Variants in RBPJL observed in about 807,000 individuals in gnomAD.
The protein encoded by RBPJL is recombination signal binding protein for immunoglobulin kappa J region like, also known as recombining binding protein suppressor of hairless-like protein.
A neutral mutation model predicts 57.6 loss-of-function variants in RBPJL; 50 were observed. The observed-to-expected ratio is 0.87, with a 90% CI of 0.69 to 1.10. The LOEUF (loss-of-function observed/expected upper bound fraction) is 1.10, where lower values mean the gene tolerates loss of function less well. Ranked by LOEUF, RBPJL falls within the 50% of genes least tolerant of loss-of-function variation. The pLI, the probability that RBPJL is intolerant of heterozygous loss-of-function variation, is 0.00. For missense variants in RBPJL, 684 were observed against 693.7 expected, an observed-to-expected ratio of 0.99 and a Z score of 0.16; for synonymous variants, 303 against 294.4, an observed-to-expected ratio of 1.03 and a Z score of -0.30.
intron 8 of RBPJL, 78 bp downstream of exon 8, chr20:45,314,222 A>G: frequency 7.2e-7 from 1 of 1,380,334 alleles, no homozygotes; most frequent in Non-Finnish European, 1.0e-6. Flanking sequence ...GCAGGGCTGG[A>G]GAGTGAGGCC....
In RBPJL at chr20:45,312,216, C is replaced by A. The variant is rs1475294412; in HGVS notation, c.445-5C>A. On this transcript the variant is annotated splice_polypyrimidine_tract_variant and splice_region_variant and intron_variant, in intron 5 of 11. Transcript: ENST00000343694. ...GAGATGGCCCTGTACCTGTGAGCCC[C>A]CTAGGAATTCGGCTGCGCCAAGACC... 1 of 1,613,978 alleles carries A rather than the reference C, an allele frequency of 6.2e-7. No homozygotes were observed. The highest frequency in any genetic ancestry group is 8.5e-7 in the Non-Finnish European group (1 of 1,180,018).
Position 45,309,554 on chromosome 20 carries a change from G to A in RBPJL, c.132-13G>A. On this transcript the variant is annotated splice_polypyrimidine_tract_variant and intron_variant, in intron 2 of 11. Transcript: ENST00000343694. ...CCTCCTGTGGCTGGTCGACCTGCCT[G>A]CCCTACTCCCAGGTCATCCCCAGAG... 1 of 1,600,972 alleles carries A rather than the reference G, an allele frequency of 6.2e-7. No individual in the cohort carries two copies. Among genetic ancestry groups the A allele is most frequent in the South Asian group, 1.1e-5 (1 of 88,842 alleles).
At chr20:45,314,358 C>T in intron 8 of RBPJL, 55 bp from the exon 9 acceptor site, 1 of 1,582,042 alleles carries the variant, frequency 6.3e-7, no homozygotes. Context: ...AGGAGGGCAG[C>T]CTCTGGACGC....
Position 45,307,997 on chromosome 20 carries a change from T to C in RBPJL, c.23-146T>C, listed in dbSNP as rs537521473. The stretch of plus-strand genomic sequence containing the variant: ...TGAGAGTAGAAAAGGGATGATCCTA[T>C]TTTGATGGCTTTGAGGGTGGGGGCT... On this transcript the variant is annotated intron_variant, in intron 1 of 11. Coordinates refer to ENST00000343694, the MANE Select transcript of RBPJL (RefSeq NM_014276.4). 7.0e-5 allele frequency: 41 copies of C among 582,614 alleles called. 1 individual carries two copies. The South Asian group carries it at 9.6e-4, about 14-fold the overall frequency. 36.1% of individuals were successfully genotyped at this position (582,614 alleles called of 1,614,324 possible). A position where few individuals can be genotyped will look rare whatever the true frequency, so the allele number is the denominator to read the frequency against.
At chr20:45,310,260 T>C (rs1043038545) in intron 3 of RBPJL, among the ~76,000 whole-genome samples, 1 of 152,148 alleles carries the variant, frequency 6.6e-6, no homozygotes, top group African/African-American at 2.4e-5. Context: ...GAAACTTGAA[T>C]GCTGAAATGG....
intron 3 of RBPJL, among the ~76,000 whole-genome samples, chr20:45,310,349 G>A (rs1015250358): frequency 1.3e-5 from 2 of 152,174 alleles, no homozygotes; most frequent in African/African-American, 4.8e-5. Flanking sequence ...GCTCACACCT[G>A]TAATCCCAGC....
rs567815780 is a variant in RBPJL, at chr20:45,311,496, G to T, written c.258-93G>T. On this transcript the variant is annotated intron_variant, in intron 3 of 11. Coordinates refer to ENST00000343694, the MANE Select transcript of RBPJL (RefSeq NM_014276.4). ...GCGGGGAGCGGGAGGAGGAAACGAA[G>T]GTTCTGCTGGGTTTATGCTACTACC... 47 of 1,190,772 alleles carry T rather than the reference G, an allele frequency of 3.9e-5. 1 individual carries two copies. The Admixed American group carries it at 5.4e-4, about 14-fold the overall frequency. The allele number at this position is 1,190,772 out of a possible 1,614,324, so 73.8% of individuals were successfully genotyped here.
Position 45,314,447 on chromosome 20 carries a change from T to G in RBPJL, c.902T>G (p.Leu301Arg). The change falls in exon 9 of 12, where the codon CTT becomes CGT. Residue 301 changes from leucine to arginine, a missense_variant. Physicochemically the swap from Leu to Arg is moderately radical, Grantham distance 102. Coordinates refer to ENST00000343694, the MANE Select transcript of RBPJL (RefSeq NM_014276.4). ...IRKVAKQCAL[L>R]DVDEPISQLH... ...AAAGTAGCAAAACAGTGTGCGCTCC[T>G]TGATGTGGATGAGCCCATCTCCCAG... 5 of 1,614,174 alleles carry G rather than the reference T, an allele frequency of 3.1e-6. No homozygotes were observed. Among genetic ancestry groups the G allele is most frequent in the Non-Finnish European group, 3.4e-6 (4 of 1,179,992 alleles).
Position 45,316,248 on chromosome 20 carries a change from T to C in RBPJL, c.1082T>C (p.Ile361Thr). Residue 361 changes from isoleucine (I) to threonine (T), a missense_variant, in exon 10 of 12, where the codon ATC becomes ACC. Ile to Thr is a moderately conservative substitution (Grantham distance 89). Transcript: ENST00000343694. ...ALLNDSSCWT[I>T]IGTESVEFSF... ...CTTAACGACAGCTCTTGCTGGACCA[T>C]CATCGGCACCGAGTCGGTGGAATTT... 1 of 1,614,222 alleles carries C rather than the reference T, an allele frequency of 6.2e-7. No homozygotes were observed. Among genetic ancestry groups the C allele is most frequent in the Non-Finnish European group, 8.5e-7 (1 of 1,180,020 alleles).
intron 6 of RBPJL, among the ~76,000 whole-genome samples, chr20:45,312,718 G>A (rs1005582282): frequency 6.6e-5 from 10 of 151,948 alleles, no homozygotes; most frequent in African/African-American, 7.3e-5. Context: ...GGTGGGGCAC[G>A]GTGGCTCATG....
rs773379875 is a variant in RBPJL, at chr20:45,311,979, G to C, written c.444+25G>C. ...GGTGAGAGCGCACGGGAAGGGGTCCGATTCCTGCTCCCATCCCTGCCTCTC... is the reference window on the plus strand; with the variant it reads ...GGTGAGAGCGCACGGGAAGGGGTCCCATTCCTGCTCCCATCCCTGCCTCTC... On this transcript the variant is annotated intron_variant, in intron 5 of 11. Transcript: ENST00000343694. 10 of 1,515,436 alleles carry C rather than the reference G, an allele frequency of 6.6e-6. No homozygotes were observed. In the East Asian group the frequency reaches 2.2e-4, roughly 33 times the overall value. 93.9% of individuals were successfully genotyped at this position (1,515,436 alleles called of 1,614,324 possible).
At chr20:45,311,077 A>G (rs1159851779) in intron 3 of RBPJL, among the ~76,000 whole-genome samples, 2 of 150,100 alleles carry the variant, frequency 1.3e-5, no homozygotes, top group African/African-American at 4.9e-5. Flanking sequence ...AGATCAAGTT[A>G]CTGCATTCCA....
In RBPJL at chr20:45,316,520, A is replaced by T; in HGVS notation, c.1220A>T (p.Glu407Val). The stretch of plus-strand genomic sequence containing the variant: ...GTGGCCACGCTGGAGCTCCACGGAG[A>T]GAACTTCCACGCGGGGCTCAAGGTG... ...GDVATLELHG[E>V]NFHAGLKVWF... The change falls in exon 11 of 12, where the codon GAG (glutamate) becomes GTG (valine). Residue 407 changes from glutamate (E) to valine (V), a missense_variant. Glu to Val is a moderately radical substitution (Grantham distance 121). Transcript: ENST00000343694. The T allele has an allele frequency of 6.5e-7, 1 of 1,542,926 alleles. No homozygotes were observed. The highest frequency in any genetic ancestry group is 8.7e-7 in the Non-Finnish European group (1 of 1,144,616).
chr20:45,307,008 C>T (rs917595630), intron 1 of RBPJL, 64 bp downstream of exon 1: 4 of 1,006,862 alleles, frequency 4.0e-6, no homozygotes, highest in Middle Eastern at 2.9e-4. Flanking sequence ...ACCACCCCCC[C>T]ACCCCCTCCC....
chr20:45,311,530 C>G (rs1987165488), intron 3 of RBPJL, 59 bp from the exon 4 acceptor site: 2 of 1,537,770 alleles, frequency 1.3e-6, no homozygotes, highest in Non-Finnish European at 1.8e-6. Flanking sequence ...CCTTGCCGTG[C>G]TTACAGGAGA....
Position 45,308,516 on chromosome 20 carries a change from G to A in RBPJL, c.131+265G>A, listed in dbSNP as rs185311382. ...GCTACAGCGGGAGACTGGGGAGACCGGGGCAGCCACACTCCACAGCCGGAA... is the reference window on the plus strand; with the variant it reads ...GCTACAGCGGGAGACTGGGGAGACCAGGGCAGCCACACTCCACAGCCGGAA... On this transcript the variant is annotated intron_variant, in intron 2 of 11. Coordinates refer to ENST00000343694, the MANE Select transcript of RBPJL (RefSeq NM_014276.4). The A allele has an allele frequency of 1.1e-3, 532 of 502,830 alleles. 2 individuals carry two copies. The highest frequency in any genetic ancestry group is 9.2e-3 in the African/African-American group (479 of 52,066). 31.1% of individuals were successfully genotyped at this position (502,830 alleles called of 1,614,324 possible).
chr20:45,312,543 T>G (rs1229605888), intron 6 of RBPJL, 148 bp downstream of exon 6: 1 of 764,216 alleles, frequency 1.3e-6, no homozygotes. Flanking sequence ...GGAAGGAGTC[T>G]GGATGAGTGG....
Position 45,308,292 on chromosome 20 carries a change from A to G in RBPJL, c.131+41A>G, listed in dbSNP as rs368373844. On this transcript the variant is annotated intron_variant, in intron 2 of 11. Transcript: ENST00000343694. Reference sequence around the variant, plus strand: ...CAGCGTGCCCTAGGTGGGGACTGCCAGGCAGCTGGAGCACACAGAGGCAAC... The same window carrying G: ...CAGCGTGCCCTAGGTGGGGACTGCCGGGCAGCTGGAGCACACAGAGGCAAC... The G allele has an allele frequency of 2.2e-5, 29 of 1,328,894 alleles. 1 individual carries two copies. The African/African-American group carries it at 3.6e-4, about 17-fold the overall frequency. 82.3% of individuals were successfully genotyped at this position (1,328,894 alleles called of 1,614,324 possible).
rs1987480350 is a variant in RBPJL, at chr20:45,316,587, G to A, written c.1280+7G>A. The stretch of plus-strand genomic sequence containing the variant: ...AGGCAGAAACCATGTACAGGTACGG[G>A]GTGGTGAGGCAGCCTCTCTTGGGCC... On this transcript the variant is annotated splice_region_variant and intron_variant, in intron 11 of 11. Coordinates refer to ENST00000343694, the MANE Select transcript of RBPJL (RefSeq NM_014276.4). 1 of 1,523,222 alleles carries A rather than the reference G, an allele frequency of 6.6e-7. No homozygotes were observed. The highest frequency in any genetic ancestry group is 8.8e-7 in the Non-Finnish European group (1 of 1,134,000). The allele number at this position is 1,523,222 out of a possible 1,614,324, so 94.4% of individuals were successfully genotyped here.
Sources: gnomAD v4.1 joint callset for allele counts (sites outside exome capture counted in the v4.1 genomes callset) on GRCh38, gnomAD v4.1.1 for gene constraint, MANE v1.5 for transcripts, NCBI Gene and HGNC (gene_info 2026-07-23, HGNC 2026-07-21) for gene names.